RBFOX3: variants seen among roughly 807,000 people sequenced by gnomAD.
The protein encoded by RBFOX3 is RNA binding fox-1 homolog 3, also known as RNA binding protein fox-1 homolog 3.
RBFOX3 carries 17 observed loss-of-function variants against 48.7 expected under a neutral mutation model. That is an observed-to-expected ratio of 0.35 (90% CI 0.24 to 0.52). The LOEUF is 0.52. RBFOX3 is among the 20% of genes least tolerant of loss of function. The pLI is 0.94. For synonymous variants in RBFOX3, 212 were observed against 209.5 expected (o/e 1.01, Z -0.10); for missense variants, 382 against 497.5 (o/e 0.77, Z 2.21).
intron 2 of RBFOX3, among the ~76,000 whole-genome samples, chr17:79,358,504 A>G (rs11658840): frequency 0.13 from 19,481 of 152,112 alleles, 1,722 homozygotes; most frequent in Non-Finnish European, 0.2. Flanking sequence ...CCTGTCACTC[A>G]GGCTGGAGTG....
At chr17:79,544,097 T>C (rs1555791142) in intron 1 of RBFOX3, among the ~76,000 whole-genome samples, 1 of 152,218 alleles carries the variant, frequency 6.6e-6, no homozygotes, top group Non-Finnish European at 1.5e-5. Context: ...ATAGTCCTGC[T>C]GCCATCCTCA....
At chr17:79,208,427 GGAAGA>G (rs1227098911) in intron 4 of RBFOX3, 12 of 152,296 alleles carry the variant, frequency 7.9e-5, no homozygotes, top group African/African-American at 2.7e-4. Context: ...GTTGGGTCAA[GGAAGA>G]GAAAAGAGGC....
At chr17:79,282,171 G>A (rs1215796298) in intron 3 of RBFOX3, among the ~76,000 whole-genome samples, 3 of 152,174 alleles carry the variant, frequency 2.0e-5, no homozygotes, top group Non-Finnish European at 4.4e-5. Context: ...ACCACGGGAT[G>A]GGCATGGGGA....
chr17:79,570,538 C>T (rs1253659534), intron 1 of RBFOX3, among the ~76,000 whole-genome samples: 2 of 152,210 alleles, frequency 1.3e-5, no homozygotes, highest in Admixed American at 6.5e-5. Flanking sequence ...CAGCAGCAGT[C>T]TAAGAACTTC....
At chr17:79,158,176 C>T (rs915294802) in intron 4 of RBFOX3, among the ~76,000 whole-genome samples, 1 of 152,200 alleles carries the variant, frequency 6.6e-6, no homozygotes. Context: ...CATCCACAGC[C>T]AAGGAAGAGA....
At chr17:79,155,247 G>A (rs1022383172) in intron 4 of RBFOX3, among the ~76,000 whole-genome samples, 30 of 152,236 alleles carry the variant, frequency 2.0e-4, no homozygotes, top group Admixed American at 1.3e-3. Context: ...CTGCCAGGGC[G>A]CTGCTCAGAA....
At chr17:79,554,977 A>G (rs2091505424) in intron 1 of RBFOX3, among the ~76,000 whole-genome samples, 2 of 152,220 alleles carry the variant, frequency 1.3e-5, no homozygotes, top group African/African-American at 4.8e-5. Context: ...AGTCACAAAA[A>G]GCAAAGGAAA....
At chr17:79,133,742 C>T (rs977686242) in intron 4 of RBFOX3, among the ~76,000 whole-genome samples, 7 of 152,198 alleles carry the variant, frequency 4.6e-5, no homozygotes, top group African/African-American at 1.7e-4. Context: ...GACCAGGAGA[C>T]ACCAGGTTCC....
chr17:79,095,358 G>C (rs1296101275), intron 13 of RBFOX3, among the ~76,000 whole-genome samples, 155 bp downstream of exon 13: 2 of 152,140 alleles, frequency 1.3e-5, no homozygotes, highest in Non-Finnish European at 2.9e-5. Context: ...CTGGCTCAAG[G>C]GCCACACTCA....
At chr17:79,585,926 C>T (rs1312426420) in intron 1 of RBFOX3, among the ~76,000 whole-genome samples, 1 of 152,194 alleles carries the variant, frequency 6.6e-6, no homozygotes, top group Non-Finnish European at 1.5e-5. Flanking sequence ...ATTTGTCTTG[C>T]TGGCACTGAC....
intron 4 of RBFOX3, among the ~76,000 whole-genome samples, chr17:79,196,749 T>C (rs1409208578): frequency 6.6e-6 from 1 of 152,218 alleles, no homozygotes; most frequent in East Asian, 1.9e-4. Flanking sequence ...GTTCCACTGA[T>C]AATTCAGAAA....
intron 2 of RBFOX3, among the ~76,000 whole-genome samples, chr17:79,397,493 CAAAAA>C (rs201344788): frequency 5.9e-4 from 71 of 119,748 alleles, no homozygotes; most frequent in Non-Finnish European, 1.1e-3. Context: ...ACTCCATCCC[CAAAAA>C]AAAAAAAAAA....
chr17:79,122,712 C>G (rs55793557), intron 4 of RBFOX3, among the ~76,000 whole-genome samples: 107,111 of 151,732 alleles, frequency 0.71, 38,090 homozygotes, highest in East Asian at 0.84. Flanking sequence ...AGTATGTTCC[C>G]AAAAGAAAGG....
At chr17:79,256,002 T>C (rs1466447948) in intron 3 of RBFOX3, among the ~76,000 whole-genome samples, 1 of 151,656 alleles carries the variant, frequency 6.6e-6, no homozygotes, top group African/African-American at 2.4e-5. Context: ...ATCCAGAAAA[T>C]GCCTGGTCAT....
At chr17:79,512,692 G>C (rs1410160178) in intron 1 of RBFOX3, among the ~76,000 whole-genome samples, 15 of 124,370 alleles carry the variant, frequency 1.2e-4, no homozygotes, top group Admixed American at 2.4e-4. Context: ...TTACCATCGG[G>C]TACAGCCCCA....
chr17:79,184,186 C>G (rs977388501), intron 4 of RBFOX3, among the ~76,000 whole-genome samples: 1 of 152,192 alleles, frequency 6.6e-6, no homozygotes, highest in Non-Finnish European at 1.5e-5. Context: ...GCTTGGAAAT[C>G]CAACCAGAGC....
intron 4 of RBFOX3, among the ~76,000 whole-genome samples, chr17:79,186,543 T>G (rs544024622): frequency 1.8e-4 from 27 of 152,210 alleles, no homozygotes; most frequent in Admixed American, 1.8e-3. Context: ...TGGTGCCTTG[T>G]GGACTGGGGT....
chr17:79,309,307 G>C (rs2076520794), intron 2 of RBFOX3, among the ~76,000 whole-genome samples: 1 of 151,982 alleles, frequency 6.6e-6, no homozygotes, highest in Non-Finnish European at 1.5e-5. Context: ...CTGAAACTTT[G>C]GACTCTTCCT....
intron 4 of RBFOX3, among the ~76,000 whole-genome samples, chr17:79,211,390 G>A (rs2058362639): frequency 6.6e-6 from 1 of 152,242 alleles, no homozygotes; most frequent in Non-Finnish European, 1.5e-5. Flanking sequence ...CCGAGCTGCT[G>A]ACAAGCCACA....
Sources: allele counts gnomAD v4.1 joint callset (sites outside exome capture counted in the v4.1 genomes callset), GRCh38; gene constraint gnomAD v4.1.1; transcripts MANE v1.5; gene names NCBI Gene and HGNC (gene_info 2026-07-23, HGNC 2026-07-21).